SUCO: variants seen among roughly 807,000 people sequenced by gnomAD.
SUCO encodes SUN domain-containing ossification factor.
In SUCO, 57 loss-of-function variants were observed where a neutral mutation model predicts 148.1. The observed-to-expected ratio is 0.38, with a 90% CI of 0.31 to 0.48. The LOEUF is 0.48. Among genes scored for constraint, SUCO ranks in the 20% least tolerant of loss-of-function variants. The pLI, the probability that SUCO is intolerant of heterozygous loss-of-function variation, is 0.96. For synonymous variants in SUCO, 470 were observed against 502.7 expected (o/e 0.93, Z 0.87); for missense variants, 1,331 against 1,468.2 (o/e 0.91, Z 1.53).
chr1:172,575,160 T>TTA (rs1571239450), intron 10 of SUCO, among the ~76,000 whole-genome samples: 3 of 152,010 alleles, frequency 2.0e-5, no homozygotes, highest in African/African-American at 7.2e-5. Context: ...CACCAGTACT[T>TTA]GTATTTATAC....
At chr1:172,534,304 A>C (rs1651852639) in intron 1 of SUCO, among the ~76,000 whole-genome samples, 1 of 152,180 alleles carries the variant, frequency 6.6e-6, no homozygotes, top group Non-Finnish European at 1.5e-5. Flanking sequence ...TACTTGGAAA[A>C]GCCATTCTTT....
chr1:172,538,220 C>G (rs144592811), intron 1 of SUCO, among the ~76,000 whole-genome samples: 2,910 of 150,376 alleles, frequency 0.019, 49 homozygotes, highest in Non-Finnish European at 0.026. Context: ...GGTCCTAAGT[C>G]GTGGTCCCAC....
intron 6 of SUCO, among the ~76,000 whole-genome samples, chr1:172,563,125 A>G (rs569135679): frequency 1.2e-3 from 176 of 152,310 alleles, no homozygotes; most frequent in Middle Eastern, 3.4e-3. Flanking sequence ...TCTTCGTAAA[A>G]CACCTAGTCT....
At chr1:172,563,354 TA>T (rs554542031) in intron 6 of SUCO, among the ~76,000 whole-genome samples, 103 of 152,302 alleles carry the variant, frequency 6.8e-4, no homozygotes, top group Non-Finnish European at 1.4e-3. Flanking sequence ...AGAATACTGA[TA>T]GTAATATGGA....
chr1:172,563,194 A>G (rs1038216171), intron 6 of SUCO, among the ~76,000 whole-genome samples: 3 of 152,194 alleles, frequency 2.0e-5, no homozygotes, highest in Non-Finnish European at 4.4e-5. Context: ...GTACCAGAGA[A>G]GTGGGGCATT....
chr1:172,574,255 T>C (rs1051580600), intron 10 of SUCO, among the ~76,000 whole-genome samples: 6 of 152,064 alleles, frequency 3.9e-5, no homozygotes, highest in African/African-American at 1.4e-4. Flanking sequence ...AAGGGGAGAT[T>C]AAGTGCCTTG....
chr1:172,578,571 T>C lies in SUCO; in HGVS notation c.1432+182T>C, dbSNP rs528896618. 1.6e-3 allele frequency: 1,501 copies of C among 958,372 alleles called. 1 individual carries two copies. Among genetic ancestry groups the C allele is most frequent in the Non-Finnish European group, 1.8e-3 (1,460 of 805,208 alleles). 59.4% of individuals were successfully genotyped at this position (958,372 alleles called of 1,614,324 possible). On this transcript the variant is annotated intron_variant, in intron 14 of 23. Transcript: ENST00000263688. ...TGTTTTCTAATATGATTGCTTTGTA[T>C]TCGTATTGCTTTCCAAGCTTATCTA...
chr1:172,532,360 A>C (rs1310892573), upstream of SUCO: 3 of 812,934 alleles, frequency 3.7e-6, no homozygotes, highest in African/African-American at 5.2e-5. Flanking sequence ...CCAAAGTTCG[A>C]AACCAACAGA....
chr1:172,570,187 T>C lies in SUCO; in HGVS notation c.981+16T>C, dbSNP rs1232478534. 1.3e-6 allele frequency: 2 copies of C among 1,522,184 alleles called. No homozygotes were observed. The highest frequency in any genetic ancestry group is 1.4e-5 in the African/African-American group (1 of 71,552). 94.3% of individuals were successfully genotyped at this position (1,522,184 alleles called of 1,614,324 possible). A position where few individuals can be genotyped will look rare whatever the true frequency, so the allele number is the denominator to read the frequency against. The stretch of plus-strand genomic sequence containing the variant: ...AGAAGCCAAGGTAGGTGTTTAAATA[T>C]AAAATTTTGTATATATAGGAAATTA... On this transcript the variant is annotated intron_variant, in intron 8 of 23. Transcript: ENST00000263688.
intron 1 of SUCO, among the ~76,000 whole-genome samples, chr1:172,535,367 C>A (rs908128917): frequency 6.6e-6 from 1 of 152,044 alleles, no homozygotes; most frequent in African/African-American, 2.4e-5. Flanking sequence ...TTTAGCAAAA[C>A]GATTAAAAGG....
chr1:172,599,145 C>T (rs993478638), intron 19 of SUCO, among the ~76,000 whole-genome samples: 2 of 152,076 alleles, frequency 1.3e-5, no homozygotes, highest in African/African-American at 2.4e-5. Context: ...CTGGCTAACA[C>T]GGTGAAACCC....
At chr1:172,562,191 A>T (rs1055706971) in intron 6 of SUCO, among the ~76,000 whole-genome samples, 2 of 152,170 alleles carry the variant, frequency 1.3e-5, no homozygotes, top group African/African-American at 2.4e-5. Flanking sequence ...GAGGAGAAAA[A>T]CTCACAGGAG....
At chr1:172,600,314 G>A (rs1176533319) in intron 20 of SUCO, 146 bp downstream of exon 20, 12 of 624,260 alleles carry the variant, frequency 1.9e-5, no homozygotes, top group Admixed American at 7.3e-5. Flanking sequence ...CCAGAATATG[G>A]CATTTTTAAG....
At chr1:172,564,348 T>A (rs1282502409) in intron 6 of SUCO, among the ~76,000 whole-genome samples, 1 of 152,192 alleles carries the variant, frequency 6.6e-6, no homozygotes, top group Non-Finnish European at 1.5e-5. Context: ...CAACACCAGC[T>A]CCTGAAAGCA....
At chr1:172,540,577 T>C (rs779355378) in intron 1 of SUCO, among the ~76,000 whole-genome samples, 17 of 152,182 alleles carry the variant, frequency 1.1e-4, no homozygotes, top group Admixed American at 2.6e-4. Flanking sequence ...CTGAACTGCA[T>C]AGTAAGTGCT....
intron 23 of SUCO, 149 bp from the exon 24 acceptor site, chr1:172,609,667 C>T (rs1175835160): frequency 2.8e-6 from 4 of 1,443,018 alleles, no homozygotes; most frequent in South Asian, 1.6e-5. Flanking sequence ...CTATATAGAA[C>T]ATAACAATGT....
chr1:172,601,498 C>G (rs1372688907), intron 20 of SUCO, among the ~76,000 whole-genome samples: 1 of 115,106 alleles, frequency 8.7e-6, no homozygotes, highest in African/African-American at 3.2e-5. Context: ...GGCTCTGTCT[C>G]AAAAAAAAAA....
Position 172,557,317 on chromosome 1 carries a change from C to A in SUCO, c.481C>A (p.Pro161Thr), listed in dbSNP as rs1217866077. Residue 161 changes from proline (P) to threonine (T), a missense_variant, in exon 5 of 24, where the codon CCA becomes ACA. Physicochemically the swap from Pro to Thr is conservative, Grantham distance 38. Around this residue, in one of 3 missense-constraint regions of SUCO, gnomAD observed 992 missense variants for 1,093.5 expected, o/e 0.91. Coordinates refer to ENST00000263688, the MANE Select transcript of SUCO (RefSeq NM_014283.5). The stretch of plus-strand genomic sequence containing the variant: ...ATCTGGTACTATTCCGATAGCCAAA[C>A]CAAGTGAAACTGAGCAGTCTGAAAC... ...EKSGTIPIAK[P>T]SETEQSETDC... The A allele has an allele frequency of 1.2e-6, 2 of 1,613,882 alleles. No homozygotes were observed. Among genetic ancestry groups the A allele is most frequent in the South Asian group, 2.2e-5 (2 of 91,054 alleles).
In SUCO at chr1:172,590,989, G is replaced by A. The variant is rs1419094757; in HGVS notation, c.2831G>A (p.Arg944Gln). ...GACCAATTCTTACTTCATAGGTACC[G>A]AAAACAAATGGAAGAAATGCAAAAG... ...RYLEELSQRY[R>Q]KQMEEMQKAF... The change falls in exon 19 of 24, where the codon CGA becomes CAA. Residue 944 changes from arginine to glutamine, a missense_variant. By Grantham distance (43) the Arg-to-Gln change is conservative. This residue lies in a region of SUCO where 5 missense variants were observed against 22.4 expected (regional missense o/e 0.22). Coordinates refer to ENST00000263688, the MANE Select transcript of SUCO (RefSeq NM_014283.5). The A allele has an allele frequency of 3.1e-6, 5 of 1,610,552 alleles. No individual in the cohort carries two copies. Among genetic ancestry groups the A allele is most frequent in the South Asian group, 1.1e-5 (1 of 90,592 alleles).
Sources: gnomAD v4.1 joint callset for allele counts (sites outside exome capture counted in the v4.1 genomes callset) on GRCh38, gnomAD v4.1.1 for gene constraint, gnomAD v4.1.1 regional missense constraint, MANE v1.5 for transcripts, NCBI Gene and HGNC (gene_info 2026-07-23, HGNC 2026-07-21) for gene names.